Variants in PRRC2C observed in about 807,000 individuals in gnomAD.
PRRC2C encodes proline rich coiled-coil 2C, also known as protein PRRC2C.
In PRRC2C, 72 loss-of-function variants were observed where a neutral mutation model predicts 317.2. That is an observed-to-expected ratio of 0.23 (90% CI 0.19 to 0.28). PRRC2C has a LOEUF of 0.28. PRRC2C is among the 10% of genes least tolerant of loss of function. The pLI, the probability that PRRC2C is intolerant of heterozygous loss-of-function variation, is 1.00. For synonymous variants in PRRC2C, 1,296 were observed against 1,205.9 expected (o/e 1.07, Z -1.55); for missense variants, 3,074 against 3,459.7 (o/e 0.89, Z 2.80).
chr1:171,559,611 T>A (rs1361453983), intron 19 of PRRC2C, among the ~76,000 whole-genome samples: 2 of 135,242 alleles, frequency 1.5e-5, no homozygotes, highest in Non-Finnish European at 3.1e-5. Flanking sequence ...AACCTCCGCC[T>A]CCCGGATTCA....
At chr1:171,488,621 C>T (rs1463255443) in intron 1 of PRRC2C, among the ~76,000 whole-genome samples, 2 of 152,180 alleles carry the variant, frequency 1.3e-5, no homozygotes, top group African/African-American at 4.8e-5. Flanking sequence ...TACCATTGCT[C>T]CCAGCATTGC....
intron 34 of PRRC2C, 188 bp from the exon 35 acceptor site, chr1:171,591,395 ACATG>A: frequency 3.6e-6 from 2 of 561,356 alleles, no homozygotes; most frequent in Non-Finnish European, 5.3e-6. Context: ...TTTTTAAATC[ACATG>A]AAATATTTCA....
At chr1:171,547,896 G>A (rs952997076) in intron 17 of PRRC2C, among the ~76,000 whole-genome samples, 14 of 151,922 alleles carry the variant, frequency 9.2e-5, no homozygotes, top group East Asian at 3.9e-4. Context: ...CAAGTGATCC[G>A]CCCACCTTGG....
rs1360364501 is a variant in PRRC2C at position 171,557,888 on chromosome 1, C to T, written c.5776C>T (p.Pro1926Ser). Reference sequence around the variant, plus strand: ...CCCTACCCCAGTCTCAGCCCCAAATCCTGCCCCACCTGCCCCAGCCCAGAC... The same window carrying T: ...CCCTACCCCAGTCTCAGCCCCAAATTCTGCCCCACCTGCCCCAGCCCAGAC... ...PAPTPVSAPNPAPPAPAQTQA... is the reference protein window; with the variant it reads ...PAPTPVSAPNSAPPAPAQTQA... Residue 1926 changes from proline (P) to serine (S), a missense_variant, in exon 19 of 35, where the codon CCT becomes TCT. By Grantham distance (74) the Pro-to-Ser change is moderately conservative. Transcript: ENST00000647382. The T allele has an allele frequency of 4.3e-5, 39 of 912,984 alleles. No homozygotes were observed. The highest frequency in any genetic ancestry group is 6.1e-5 in the Non-Finnish European group (39 of 635,332). The allele number at this position is 912,984 out of a possible 1,614,324, so 56.6% of individuals were successfully genotyped here. A position where few individuals can be genotyped will look rare whatever the true frequency, so the allele number is the denominator to read the frequency against.
intron 1 of PRRC2C, among the ~76,000 whole-genome samples, chr1:171,496,199 C>CTTTTTTTTTTTTTTTTTTTTT (rs528654548): frequency 5.3e-5 from 4 of 75,658 alleles, no homozygotes; most frequent in Non-Finnish European, 9.0e-5. Flanking sequence ...ATTTTTGTGC[C>CTTTTTTTTTTTTTTTTTTTTT]TTTTTTTTTT....
chr1:171,500,437 C>G (rs2102128142), intron 1 of PRRC2C, among the ~76,000 whole-genome samples: 1 of 152,180 alleles, frequency 6.6e-6, no homozygotes, highest in South Asian at 2.1e-4. Context: ...CTTGCTGTGT[C>G]ACCCAGGCTT....
At chr1:171,543,164 T>G (rs111832311) in intron 16 of PRRC2C, among the ~76,000 whole-genome samples, 23,192 of 148,202 alleles carry the variant, frequency 0.16, 1,859 homozygotes, top group Middle Eastern at 0.3. Flanking sequence ...GGTCAGGATA[T>G]CGAGACCATC....
chr1:171,559,184 T>C (rs913389916), intron 19 of PRRC2C, among the ~76,000 whole-genome samples: 20 of 152,184 alleles, frequency 1.3e-4, no homozygotes, highest in African/African-American at 4.6e-4. Flanking sequence ...ATCCAGAAGA[T>C]CCAAAACTGA....
chr1:171,504,582 G>A (rs1009730212), intron 1 of PRRC2C, among the ~76,000 whole-genome samples: 2 of 152,160 alleles, frequency 1.3e-5, no homozygotes, highest in Admixed American at 6.5e-5. Context: ...AAATGCTTAT[G>A]TGTATTTATA....
chr1:171,533,572 G>A (rs1334556659), intron 12 of PRRC2C, among the ~76,000 whole-genome samples: 3 of 152,086 alleles, frequency 2.0e-5, no homozygotes, highest in Non-Finnish European at 2.9e-5. Context: ...TAAAGCCTTG[G>A]CAAAGTTAAA....
intron 1 of PRRC2C, among the ~76,000 whole-genome samples, chr1:171,496,199 C>CTTTTTT (rs528654548): frequency 0.023 from 1,770 of 75,486 alleles, 167 homozygotes; most frequent in African/African-American, 0.048. Flanking sequence ...ATTTTTGTGC[C>CTTTTTT]TTTTTTTTTT....
chr1:171,581,106 A>G (rs1159135819), intron 28 of PRRC2C, among the ~76,000 whole-genome samples: 1 of 152,200 alleles, frequency 6.6e-6, no homozygotes, highest in Admixed American at 6.5e-5. Context: ...AGACACCTGT[A>G]TCATTACTTA....
intron 6 of PRRC2C, among the ~76,000 whole-genome samples, chr1:171,519,740 T>A (rs1673196649): frequency 1.3e-5 from 2 of 152,254 alleles, no homozygotes; most frequent in African/African-American, 4.8e-5. Flanking sequence ...TTTATTTAGT[T>A]TGTTGTTTAA....
Position 171,540,532 on chromosome 1 carries a change from A to G in PRRC2C, c.3066A>G (p.Val1022=), listed in dbSNP as rs78008372. 4.9e-3 allele frequency: 7,868 copies of G among 1,613,724 alleles called. 45 individuals carry two copies. The highest frequency in any genetic ancestry group is 0.025 in the Middle Eastern group (151 of 6,062). The part of the protein sequence containing the change: ...VRRSGPIKKP[V]LRDMKEEREQ... ...GATCAGGTCCCATTAAAAAACCTGT[A>G]CTTAGAGATATGAAAGAGGAACGGG... The change falls in exon 16 of 35, where the codon GTA becomes GTG. Residue 1022 remains valine, a synonymous_variant. Coordinates refer to ENST00000647382, the MANE Select transcript of PRRC2C (RefSeq NM_001387844.1).
chr1:171,510,723 A>G (rs1671214357), intron 1 of PRRC2C: 1 of 152,150 alleles, frequency 6.6e-6, no homozygotes, highest in Non-Finnish European at 1.5e-5. Context: ...AAGATGGTTT[A>G]TTGTAAACGT....
rs1205631357 is a variant in PRRC2C at position 171,586,414 on chromosome 1, G to A, written c.7750-589G>A. On this transcript the variant is annotated intron_variant, in intron 30 of 34. Coordinates refer to ENST00000647382, the MANE Select transcript of PRRC2C (RefSeq NM_001387844.1). Reference sequence around the variant, plus strand: ...ACTTGGTGTCAAATTCTCTACTTGTGGTGTCATATCAGCCTCTCAGAAAGT... The same window carrying A: ...ACTTGGTGTCAAATTCTCTACTTGTAGTGTCATATCAGCCTCTCAGAAAGT... Among the ~76,000 whole-genome samples the A allele has an allele frequency of 6.0e-5, 9 of 151,144 alleles. No individual in the cohort carries two copies. In the East Asian group the frequency reaches 1.8e-3, roughly 30 times the overall value.
In PRRC2C at chr1:171,523,864, C is replaced by T. The variant is rs1275250613; in HGVS notation, c.1055+342C>T. Among the ~76,000 whole-genome samples, 4 of 151,904 alleles carry T rather than the reference C, an allele frequency of 2.6e-5. 1 individual carries two copies. The highest frequency in any genetic ancestry group is 5.9e-5 in the Non-Finnish European group (4 of 67,976). ...CAGCTTGGCCAACATGGTGAAACCC[C>T]ATCTCTACTAAAAATACAAAAATTA... On this transcript the variant is annotated intron_variant, in intron 9 of 34. Coordinates refer to ENST00000647382, the MANE Select transcript of PRRC2C (RefSeq NM_001387844.1).
chr1:171,544,559 A>C (rs894589264), intron 16 of PRRC2C, among the ~76,000 whole-genome samples: 1 of 152,214 alleles, frequency 6.6e-6, no homozygotes, highest in Admixed American at 6.5e-5. Flanking sequence ...TAACCAAAAT[A>C]AACAGAATAG....
At chr1:171,491,468 CTG>C (rs769081622) in intron 1 of PRRC2C, among the ~76,000 whole-genome samples, 4 of 152,168 alleles carry the variant, frequency 2.6e-5, no homozygotes, top group African/African-American at 4.8e-5. Context: ...CCAAAAGTGT[CTG>C]TATTTCCCCA....
Sources: allele counts gnomAD v4.1 joint callset (sites outside exome capture counted in the v4.1 genomes callset), GRCh38; gene constraint gnomAD v4.1.1; transcripts MANE v1.5; gene names NCBI Gene and HGNC (gene_info 2026-07-23, HGNC 2026-07-21).